The following IKZF3 variants were observed in gnomAD, a reference collection of about 807,000 sequenced individuals.
IKZF3 encodes the protein IKAROS family zinc finger 3.
A neutral mutation model predicts 49.0 loss-of-function variants in IKZF3; 10 were observed. The ratio of observed to expected loss-of-function variants is 0.20; its 90% CI spans 0.13 to 0.35. The LOEUF (loss-of-function observed/expected upper bound fraction) is 0.35, where lower values mean the gene tolerates loss of function less well. Ranked by LOEUF, IKZF3 falls within the 10% of genes least tolerant of loss-of-function variation. The probability of loss-of-function intolerance (pLI) is 1.00; values close to 1 mark genes in which losing one functional copy is unlikely to be tolerated. For missense variants in IKZF3, 498 were observed against 664.8 expected, an observed-to-expected ratio of 0.75 and a Z score of 2.76; for synonymous variants, 209 against 228.2, an observed-to-expected ratio of 0.92 and a Z score of 0.76.
intron 1 of IKZF3, among the ~76,000 whole-genome samples, chr17:39,841,141 C>T (rs1197368492): frequency 1.3e-5 from 2 of 151,248 alleles, no homozygotes; most frequent in African/African-American, 2.4e-5. Flanking sequence ...AGTGCCACTG[C>T]AGTCCAGCCT....
At chr17:39,835,285 G>A in intron 1 of IKZF3, 1 of 551,520 alleles carries the variant, frequency 1.8e-6, no homozygotes, top group Non-Finnish European at 3.5e-6. Context: ...ATGGTCATCA[G>A]CTCCTGGTAC....
intron 1 of IKZF3, among the ~76,000 whole-genome samples, chr17:39,853,112 C>T (rs1172390085): frequency 1.5e-4 from 23 of 152,132 alleles, no homozygotes; most frequent in Admixed American, 1.5e-3. Flanking sequence ...TTTTTATTTC[C>T]TTCATAGCAC....
rs762447431 is a variant in IKZF3, at chr17:39,761,579, CAA to C, written c.*4209_*4210del. On this transcript the variant is annotated 3_prime_UTR_variant, in exon 8 of 8. Coordinates refer to ENST00000346872, the MANE Select transcript of IKZF3 (RefSeq NM_012481.5). The stretch of plus-strand genomic sequence containing the variant: ...ATATACATACATATATATACATATA[CAA>C]AAAAAATAAAAATAAATTAAAAAAT... The C allele has an allele frequency of 6.9e-6, 1 of 145,264 alleles. No homozygotes were observed. The highest frequency in any genetic ancestry group is 2.7e-5 in the African/African-American group (1 of 36,928). The allele number at this position is 145,264 out of a possible 1,614,324, so 9.0% of individuals were successfully genotyped here.
intron 3 of IKZF3, among the ~76,000 whole-genome samples, chr17:39,823,837 A>C (rs1410414042): frequency 6.6e-6 from 1 of 152,240 alleles, no homozygotes; most frequent in East Asian, 1.9e-4. Context: ...AAAACATCGG[A>C]TGTCCAGACA....
intron 3 of IKZF3, among the ~76,000 whole-genome samples, chr17:39,794,000 C>T (rs1264103541): frequency 6.6e-6 from 1 of 152,160 alleles, no homozygotes; most frequent in Non-Finnish European, 1.5e-5. Flanking sequence ...TATATAAATG[C>T]TTACTTTTTC....
intron 7 of IKZF3, 108 bp downstream of exon 7, chr17:39,777,539 CTAAT>C: frequency 1.5e-6 from 1 of 668,846 alleles, no homozygotes; most frequent in Non-Finnish European, 2.6e-6. Context: ...CAATGAAAAA[CTAAT>C]TATTTTAACA....
At chr17:39,799,679 G>A (rs913222583) in intron 3 of IKZF3, among the ~76,000 whole-genome samples, 1 of 152,166 alleles carries the variant, frequency 6.6e-6, no homozygotes, top group Non-Finnish European at 1.5e-5. Context: ...AGTCTGAGAA[G>A]CACAGCAGCA....
chr17:39,794,577 T>G (rs1276355065), intron 3 of IKZF3, among the ~76,000 whole-genome samples: 2 of 152,218 alleles, frequency 1.3e-5, no homozygotes, highest in Non-Finnish European at 2.9e-5. Context: ...TGCCACACAG[T>G]TCCACTGCTT....
chr17:39,835,871 G>A lies in IKZF3; in HGVS notation c.8-3720C>T, dbSNP rs1253061925. ...CTGTATGCTTACTGATCTCATCCTC[G>A]TACTTGTTCTTGAAGTCCTCCACCA... is the stretch of plus-strand genomic sequence containing the variant. On this transcript the variant is annotated intron_variant, in intron 1 of 7. Coordinates refer to ENST00000346872, the MANE Select transcript of IKZF3 (RefSeq NM_012481.5). The A allele has an allele frequency of 1.6e-5, 10 of 624,136 alleles. 1 individual carries two copies. Among genetic ancestry groups the A allele is most frequent in the Admixed American group, 3.8e-5 (2 of 53,012 alleles). The allele number at this position is 624,136 out of a possible 1,614,324, so 38.7% of individuals were successfully genotyped here.
chr17:39,820,743 TGAGGCTGGGGCCACTAGACAGCCTCAGGA>T (rs2061790023), intron 3 of IKZF3, among the ~76,000 whole-genome samples: 1 of 152,188 alleles, frequency 6.6e-6, no homozygotes, highest in Admixed American at 6.5e-5. Context: ...ACGAGGTAGC[TGAGGCTGGGGCCACTAGACAGCCTCAGGA>T]TGGAGCTGTT....
intron 1 of IKZF3, among the ~76,000 whole-genome samples, chr17:39,852,743 G>A (rs917549853): frequency 6.6e-6 from 1 of 152,176 alleles, no homozygotes; most frequent in Admixed American, 6.5e-5. Flanking sequence ...AGGCCGGGGC[G>A]GACAGATCAA....
At chr17:39,776,235 C>T (rs375248835) in intron 7 of IKZF3, among the ~76,000 whole-genome samples, 3 of 152,218 alleles carry the variant, frequency 2.0e-5, no homozygotes, top group East Asian at 1.9e-4. Context: ...AGTGAGACCC[C>T]GTCTCAAAAC....
At chr17:39,804,577 A>G (rs1373841562) in intron 3 of IKZF3, among the ~76,000 whole-genome samples, 1 of 152,220 alleles carries the variant, frequency 6.6e-6, no homozygotes, top group Non-Finnish European at 1.5e-5. Flanking sequence ...ACTTGTCTAC[A>G]AGATTCTGAT....
intron 1 of IKZF3, among the ~76,000 whole-genome samples, chr17:39,856,018 A>G (rs895741929): frequency 6.7e-6 from 1 of 148,222 alleles, no homozygotes; most frequent in South Asian, 2.1e-4. Flanking sequence ...TAACATGTAT[A>G]TTGTATATGT....
intron 3 of IKZF3, among the ~76,000 whole-genome samples, 177 bp from the exon 4 acceptor site, chr17:39,793,110 C>G (rs1190732115): frequency 6.6e-6 from 1 of 152,176 alleles, no homozygotes; most frequent in Admixed American, 6.5e-5. Flanking sequence ...AAATTCAGAA[C>G]CACAGTCAGA....
chr17:39,831,809 C>A (rs2062116255), intron 2 of IKZF3, among the ~76,000 whole-genome samples: 1 of 152,056 alleles, frequency 6.6e-6, no homozygotes, highest in East Asian at 1.9e-4. Context: ...CTATATTATT[C>A]AACAAAAACT....
At chr17:39,824,894 A>G (rs373337948) in intron 3 of IKZF3, among the ~76,000 whole-genome samples, 2 of 151,788 alleles carry the variant, frequency 1.3e-5, no homozygotes, top group East Asian at 1.9e-4. Context: ...ACAGGTTTTC[A>G]CCATGTTAGC....
chr17:39,841,823 T>C (rs1031879179), intron 1 of IKZF3, among the ~76,000 whole-genome samples: 16 of 151,876 alleles, frequency 1.1e-4, no homozygotes, highest in East Asian at 3.9e-4. Flanking sequence ...GGCAGGAGGA[T>C]TGCTTGATAC....
chr17:39,827,660 AC>A (rs1459036733), intron 3 of IKZF3, among the ~76,000 whole-genome samples: 2 of 152,132 alleles, frequency 1.3e-5, no homozygotes, highest in African/African-American at 4.8e-5. Context: ...GGCTTTGCTT[AC>A]CTGGTTGTAT....
Sources: allele counts gnomAD v4.1 joint callset (sites outside exome capture counted in the v4.1 genomes callset), GRCh38; gene constraint gnomAD v4.1.1; transcripts MANE v1.5; gene names NCBI Gene and HGNC (gene_info 2026-07-23, HGNC 2026-07-21).